CSNK2A2IP: variants seen among roughly 807,000 people sequenced by gnomAD.
CSNK2A2IP encodes casein kinase 2 subunit alpha' interacting protein.
chr3:88,360,125 TAA>T, the CSNK2A2IP span, among the ~76,000 whole-genome samples: 2 of 148,414 alleles, frequency 1.3e-5, no homozygotes, highest in Admixed American at 1.4e-4. Flanking sequence ...TTCGTCTTTT[TAA>T]AGAGTTTTTG....
the CSNK2A2IP span, among the ~76,000 whole-genome samples, chr3:88,436,277 C>CTG: frequency 6.6e-6 from 1 of 151,952 alleles, no homozygotes; most frequent in East Asian, 1.9e-4. Flanking sequence ...TTTTTTTGCA[C>CTG]TGTAATGCTG....
the CSNK2A2IP span, among the ~76,000 whole-genome samples, chr3:88,417,933 C>T: frequency 6.6e-6 from 1 of 152,120 alleles, no homozygotes; most frequent in African/African-American, 2.4e-5. Context: ...CAAGATCTAG[C>T]TAGTTAACTG....
chr3:88,466,400 C>T, the CSNK2A2IP span: 425 of 1,231,840 alleles, frequency 3.5e-4, no homozygotes, highest in Non-Finnish European at 4.2e-4. Flanking sequence ...CAGAATACCA[C>T]TTCACCAAAT....
the CSNK2A2IP span, among the ~76,000 whole-genome samples, chr3:88,406,333 C>T: frequency 6.6e-6 from 1 of 152,084 alleles, no homozygotes; most frequent in Non-Finnish European, 1.5e-5. Flanking sequence ...TACTTTGAAC[C>T]TTTAGAATTC....
the CSNK2A2IP span, among the ~76,000 whole-genome samples, chr3:88,340,324 C>T: frequency 6.6e-6 from 1 of 151,904 alleles, no homozygotes; most frequent in Non-Finnish European, 1.5e-5. Flanking sequence ...GTTAACACTG[C>T]TTCTGTGATT....
At chr3:88,405,322 A>G in the CSNK2A2IP span, among the ~76,000 whole-genome samples, 1 of 152,086 alleles carries the variant, frequency 6.6e-6, no homozygotes, top group African/African-American at 2.4e-5. Context: ...CCTGCTACTT[A>G]TTCAGGGAGA....
chr3:88,447,370 T>G, the CSNK2A2IP span, among the ~76,000 whole-genome samples: 1 of 151,996 alleles, frequency 6.6e-6, no homozygotes, highest in Non-Finnish European at 1.5e-5. Flanking sequence ...ATGGGAATAT[T>G]TGGTTGTTTT....
At chr3:88,450,329 C>T in the CSNK2A2IP span, among the ~76,000 whole-genome samples, 1 of 152,064 alleles carries the variant, frequency 6.6e-6, no homozygotes, top group South Asian at 2.1e-4. Flanking sequence ...CTAAAATCTA[C>T]TCATTTAACA....
chr3:88,464,372 G>A, the CSNK2A2IP span, among the ~76,000 whole-genome samples: 7 of 151,234 alleles, frequency 4.6e-5, no homozygotes, highest in East Asian at 1.9e-4. Context: ...GAACATCACC[G>A]ATGTGATTAC....
the CSNK2A2IP span, among the ~76,000 whole-genome samples, chr3:88,430,776 GA>G: frequency 8.6e-5 from 13 of 150,512 alleles, no homozygotes; most frequent in African/African-American, 1.9e-4. Flanking sequence ...AAACAACATG[GA>G]AAAAAAAACC....
chr3:88,395,672 A>G, the CSNK2A2IP span, among the ~76,000 whole-genome samples: 1 of 152,338 alleles, frequency 6.6e-6, no homozygotes, highest in South Asian at 2.1e-4. Flanking sequence ...TTGGGATTGA[A>G]CTGAAACTGC....
chr3:88,414,276 T>TG, the CSNK2A2IP span, among the ~76,000 whole-genome samples: 2 of 92,692 alleles, frequency 2.2e-5, no homozygotes, highest in African/African-American at 3.7e-5. Context: ...CAAAGTTTTT[T>TG]TTTTTTTTTT....
the CSNK2A2IP span, among the ~76,000 whole-genome samples, chr3:88,368,174 T>A: frequency 6.6e-6 from 1 of 152,008 alleles, no homozygotes; most frequent in African/African-American, 2.4e-5. Flanking sequence ...AATTGAGATG[T>A]CTTTCAGTTA....
the CSNK2A2IP span, among the ~76,000 whole-genome samples, chr3:88,383,158 A>G: frequency 1.3e-5 from 2 of 152,058 alleles, no homozygotes; most frequent in African/African-American, 4.8e-5. Context: ...AGAAGATTAA[A>G]AATAGGGCTC....
chr3:88,384,216 A>G, the CSNK2A2IP span, among the ~76,000 whole-genome samples: 5 of 152,128 alleles, frequency 3.3e-5, no homozygotes, highest in Non-Finnish European at 7.4e-5. Context: ...ATAAAACAAG[A>G]TAAACATTGT....
chr3:88,406,343 C>A, the CSNK2A2IP span, among the ~76,000 whole-genome samples: 1 of 152,088 alleles, frequency 6.6e-6, no homozygotes, highest in African/African-American at 2.4e-5. Context: ...CTTTAGAATT[C>A]AATGAGTACA....
At chr3:88,461,250 ATG>A in the CSNK2A2IP span, among the ~76,000 whole-genome samples, 1 of 152,036 alleles carries the variant, frequency 6.6e-6, no homozygotes, top group Non-Finnish European at 1.5e-5. Flanking sequence ...ACTTTTAAAA[ATG>A]TATAAAAAAT....
chr3:88,385,423 G>C, the CSNK2A2IP span, among the ~76,000 whole-genome samples: 1 of 152,110 alleles, frequency 6.6e-6, no homozygotes, highest in East Asian at 1.9e-4. Context: ...AGTTATGCTG[G>C]GCAGGTGGAA....
chr3:88,389,277 G>C, the CSNK2A2IP span, among the ~76,000 whole-genome samples: 10 of 151,962 alleles, frequency 6.6e-5, no homozygotes, highest in Non-Finnish European at 2.9e-5. Flanking sequence ...GAGGACGTTA[G>C]TTATTGGCTT....
Sources: allele counts gnomAD v4.1 joint callset (sites outside exome capture counted in the v4.1 genomes callset), GRCh38; gene constraint gnomAD v4.1.1; transcripts MANE v1.5; gene names NCBI Gene and HGNC (gene_info 2026-07-23, HGNC 2026-07-21).